FBXW11: variants seen among roughly 807,000 people sequenced by gnomAD.
The protein encoded by FBXW11 is F-box and WD repeat domain containing 11, also known as F-box/WD repeat-containing protein 11.
A neutral mutation model predicts 77.6 loss-of-function variants in FBXW11; 19 were observed. The ratio of observed to expected loss-of-function variants is 0.24; its 90% CI spans 0.17 to 0.36. The LOEUF (loss-of-function observed/expected upper bound fraction) is 0.36. FBXW11 is among the 10% of genes least tolerant of loss of function. FBXW11 has a pLI of 1.00. For missense variants in FBXW11, 334 were observed against 704.2 expected (o/e 0.47, Z 5.95); for synonymous variants, 235 against 249.4 (o/e 0.94, Z 0.54).
chr5:171,950,777 T>G (rs1425146404), intron 2 of FBXW11, among the ~76,000 whole-genome samples: 10 of 152,162 alleles, frequency 6.6e-5, no homozygotes. Flanking sequence ...GTCCCACCTA[T>G]TCAGGAGGCT....
At chr5:171,974,676 A>T (rs1173867436) in intron 1 of FBXW11, among the ~76,000 whole-genome samples, 1 of 152,134 alleles carries the variant, frequency 6.6e-6, no homozygotes. Context: ...CTACGACTGC[A>T]CCTATAAATA....
intron 1 of FBXW11, among the ~76,000 whole-genome samples, chr5:171,981,001 C>T (rs569716379): frequency 6.6e-6 from 1 of 152,138 alleles, no homozygotes; most frequent in Admixed American, 6.6e-5. Flanking sequence ...GAACCATGAT[C>T]CAAATTTTCA....
rs1204789808 is a variant in FBXW11 at position 171,930,747 on chromosome 5, TA to T, written c.148-16343del. ...AAAAAAATAAATAAAAAATAAAAAATAAAAAATAAAAAAATAAAAAAAAAAA... is the reference window on the plus strand; with the variant it reads ...AAAAAAATAAATAAAAAATAAAAAATAAAAATAAAAAAATAAAAAAAAAAA... On this transcript the variant is annotated intron_variant, in intron 2 of 13. Transcript: ENST00000517395. Among the ~76,000 whole-genome samples the T allele has an allele frequency of 8.0e-4, 33 of 41,502 alleles. 1 individual carries two copies. The highest frequency in any genetic ancestry group is 2.8e-3 in the African/African-American group (31 of 11,266). The allele number at this position is 41,502 out of a possible 152,430, so 27.2% of individuals were successfully genotyped here. A position where few individuals can be genotyped will look rare whatever the true frequency, so the allele number is the denominator to read the frequency against.
chr5:171,926,583 C>A (rs1761903687), intron 2 of FBXW11, among the ~76,000 whole-genome samples: 1 of 152,212 alleles, frequency 6.6e-6, no homozygotes, highest in African/African-American at 2.4e-5. Context: ...ACTCTCTCTT[C>A]CTCCTGCTCC....
rs190803814 is a variant in FBXW11, at chr5:171,989,803, T to C, written c.45+16655A>G. On this transcript the variant is annotated intron_variant, in intron 1 of 13. Transcript: ENST00000517395. ...CATTCTTGAGACAATTAGGAAAATT[T>C]AGATTTAATTGATGCTTGATATTAT... Among the ~76,000 whole-genome samples, 3 of 152,356 alleles carry C rather than the reference T, an allele frequency of 2.0e-5. No individual in the cohort carries two copies. The East Asian group carries it at 5.8e-4, about 29-fold the overall frequency.
chr5:171,918,769 G>A lies in FBXW11; in HGVS notation c.148-4364C>T, dbSNP rs143576150. Among the ~76,000 whole-genome samples the A allele has an allele frequency of 1.4e-3, 213 of 152,316 alleles. 1 individual carries two copies. Among genetic ancestry groups the A allele is most frequent in the African/African-American group, 4.7e-3 (195 of 41,576 alleles). On this transcript the variant is annotated intron_variant, in intron 2 of 13. Coordinates refer to ENST00000517395, the MANE Select transcript of FBXW11 (RefSeq NM_001378974.1). ...TTTCTTTGTTGTGGGGCTGCTGTGT[G>A]CATTATAGAAGGTTAGCAGCATCCT...
chr5:171,928,078 C>T (rs376379835), intron 2 of FBXW11, among the ~76,000 whole-genome samples: 3 of 151,956 alleles, frequency 2.0e-5, no homozygotes, highest in African/African-American at 4.8e-5. Flanking sequence ...CTACAAGAAA[C>T]GTTAAAGTTC....
chr5:171,969,142 C>T (rs1478855463), intron 1 of FBXW11, among the ~76,000 whole-genome samples: 2 of 152,152 alleles, frequency 1.3e-5, no homozygotes, highest in Non-Finnish European at 2.9e-5. Flanking sequence ...GTGGCACATG[C>T]CTGTAACCCC....
intron 5 of FBXW11, 38 bp from the exon 6 acceptor site, chr5:171,899,132 C>T (rs547200005): frequency 1.4e-6 from 2 of 1,380,914 alleles, no homozygotes; most frequent in Non-Finnish European, 2.0e-6. Context: ...CATTTTTGCA[C>T]ATAAAAGGGT....
At chr5:171,919,119 G>A (rs1044843399) in intron 2 of FBXW11, among the ~76,000 whole-genome samples, 2 of 152,064 alleles carry the variant, frequency 1.3e-5, no homozygotes, top group Non-Finnish European at 1.5e-5. Context: ...GCTACGTCCT[G>A]CTTGCCATTA....
At chr5:171,883,416 T>C (rs549623392) in intron 7 of FBXW11, among the ~76,000 whole-genome samples, 3 of 152,264 alleles carry the variant, frequency 2.0e-5, no homozygotes, top group Admixed American at 2.0e-4. Flanking sequence ...TTAGGAGATA[T>C]ACCTAACATT....
rs1263684293 is a variant in FBXW11, at chr5:171,900,050, T to G, written c.487A>C (p.Arg163=). 1 of 1,613,486 alleles carries G rather than the reference T, an allele frequency of 6.2e-7. No homozygotes were observed. ...AENILSYLDA[R]SLCAAELVCK... is the part of the protein sequence containing the mutation. ...ACCAGCTCTGCTGCACACAGAGACCTGGCATCCAGGTACGAAAGAATGTTT... is the reference window on the plus strand; with the variant it reads ...ACCAGCTCTGCTGCACACAGAGACCGGGCATCCAGGTACGAAAGAATGTTT... Residue 163 remains arginine (R), a synonymous_variant, in exon 5 of 14, where the codon AGG becomes CGG. Coordinates refer to ENST00000517395, the MANE Select transcript of FBXW11 (RefSeq NM_001378974.1).
intron 1 of FBXW11, among the ~76,000 whole-genome samples, chr5:171,972,465 C>T (rs958733212): frequency 7.5e-6 from 1 of 132,688 alleles, no homozygotes; most frequent in Non-Finnish European, 1.6e-5. Flanking sequence ...CATGCCACTG[C>T]ACTCCACCCT....
At chr5:171,943,976 T>C (rs1254288017) in intron 2 of FBXW11, among the ~76,000 whole-genome samples, 1 of 152,132 alleles carries the variant, frequency 6.6e-6, no homozygotes, top group African/African-American at 2.4e-5. Flanking sequence ...ATATGATGTA[T>C]CTCCTGGAAA....
rs889302028 is a variant in FBXW11, at chr5:172,004,307, A to T, written c.45+2151T>A. The stretch of plus-strand genomic sequence containing the variant: ...CTTTCAGGAAATATCAAAATCCTTA[A>T]ATAAAAGGCCATTTTAAAATTAATC... On this transcript the variant is annotated intron_variant, in intron 1 of 13. Coordinates refer to ENST00000517395, the MANE Select transcript of FBXW11 (RefSeq NM_001378974.1). Among the ~76,000 whole-genome samples the T allele has an allele frequency of 2.0e-5, 3 of 152,346 alleles. No homozygotes were observed. In the South Asian group the frequency reaches 6.2e-4, roughly 32 times the overall value.
At chr5:171,883,987 T>C (rs1309056717) in intron 7 of FBXW11, among the ~76,000 whole-genome samples, 1 of 152,262 alleles carries the variant, frequency 6.6e-6, no homozygotes, top group Non-Finnish European at 1.5e-5. Context: ...TCCCACTCTG[T>C]GGGCTGTTTA....
intron 7 of FBXW11, among the ~76,000 whole-genome samples, chr5:171,885,228 C>G (rs1758799358): frequency 6.6e-6 from 1 of 152,208 alleles, no homozygotes; most frequent in Non-Finnish European, 1.5e-5. Flanking sequence ...CTTTTCCCTT[C>G]CCGCTGCTGG....
intron 4 of FBXW11, among the ~76,000 whole-genome samples, chr5:171,905,318 A>T (rs777741255): frequency 6.6e-6 from 1 of 152,190 alleles, no homozygotes; most frequent in Non-Finnish European, 1.5e-5. Flanking sequence ...AATAAATTAC[A>T]TCATATAATC....
chr5:171,885,198 T>C (rs1482484168), intron 7 of FBXW11, among the ~76,000 whole-genome samples: 1 of 152,182 alleles, frequency 6.6e-6, no homozygotes, highest in African/African-American at 2.4e-5. Context: ...CAGAATAACC[T>C]AGTATAGTTT....
Sources: allele counts gnomAD v4.1 joint callset (sites outside exome capture counted in the v4.1 genomes callset), GRCh38; gene constraint gnomAD v4.1.1; transcripts MANE v1.5; gene names NCBI Gene and HGNC (gene_info 2026-07-23, HGNC 2026-07-21).